The following PPARGC1A variants were observed in gnomAD, a reference collection of about 807,000 sequenced individuals.
PPARGC1A encodes the protein PPARG coactivator 1 alpha.
PPARGC1A carries 25 observed loss-of-function variants against 88.7 expected under a neutral mutation model. The observed-to-expected ratio is 0.28, with a 90% CI of 0.21 to 0.39. PPARGC1A has a LOEUF of 0.39. PPARGC1A is among the 10% of genes least tolerant of loss of function. The pLI is 1.00. For synonymous variants in PPARGC1A, 363 were observed against 355.6 expected, an observed-to-expected ratio of 1.02 and a Z score of -0.24; for missense variants, 880 against 968.7, an observed-to-expected ratio of 0.91 and a Z score of 1.22.
chr4:24,239,956 C>T, the PPARGC1A span, among the ~76,000 whole-genome samples: 1 of 152,020 alleles, frequency 6.6e-6, no homozygotes, highest in African/African-American at 2.4e-5. Context: ...TCTGATCTCT[C>T]CCACCCGCTC....
the PPARGC1A span, among the ~76,000 whole-genome samples, chr4:23,913,297 GAGAGAGAGAGAA>G: frequency 7.0e-6 from 1 of 143,150 alleles, no homozygotes; most frequent in African/African-American, 2.6e-5. Flanking sequence ...GAGAGAGAGA[GAGAGAGAGAGAA>G]AGAGAAAATC....
the PPARGC1A span, among the ~76,000 whole-genome samples, chr4:24,216,500 A>C: frequency 2.0e-5 from 3 of 152,176 alleles, no homozygotes; most frequent in South Asian, 2.1e-4. Flanking sequence ...TGACGTACTC[A>C]AAATCGGCTC....
At chr4:23,852,585 C>A (rs1385587894) in intron 2 of PPARGC1A, among the ~76,000 whole-genome samples, 1 of 152,140 alleles carries the variant, frequency 6.6e-6, no homozygotes, top group East Asian at 1.9e-4. Context: ...CCCCATTTTT[C>A]TACCTCCACA....
chr4:24,291,654 G>A, the PPARGC1A span, among the ~76,000 whole-genome samples: 1 of 152,338 alleles, frequency 6.6e-6, no homozygotes, highest in African/African-American at 2.4e-5. Context: ...TCCATCCGAA[G>A]TCCTGCTGAT....
At chr4:24,312,762 GT>G in the PPARGC1A span, among the ~76,000 whole-genome samples, 8 of 151,938 alleles carry the variant, frequency 5.3e-5, no homozygotes, top group African/African-American at 1.9e-4. Flanking sequence ...TTTCTTAGAA[GT>G]TTTTTATTTG....
At chr4:23,950,126 T>C in the PPARGC1A span, among the ~76,000 whole-genome samples, 1 of 152,114 alleles carries the variant, frequency 6.6e-6, no homozygotes, top group Non-Finnish European at 1.5e-5. Flanking sequence ...TCATTAGGTA[T>C]AGACCCAAAG....
At chr4:24,317,555 T>TAAA in the PPARGC1A span, among the ~76,000 whole-genome samples, 955 of 22,202 alleles carry the variant, frequency 0.043, 304 homozygotes, top group Non-Finnish European at 0.076. Flanking sequence ...TTCAGAGGAC[T>TAAA]AAAAAAAAAA....
the PPARGC1A span, among the ~76,000 whole-genome samples, chr4:24,303,314 G>A: frequency 1.3e-5 from 2 of 152,202 alleles, no homozygotes; most frequent in Admixed American, 1.3e-4. Context: ...ATGTGTTAGA[G>A]TCTAATAAGA....
At chr4:24,206,840 TAAAAAAAAAAAAAAAAAAAA>T in the PPARGC1A span, among the ~76,000 whole-genome samples, 10 of 43,648 alleles carry the variant, frequency 2.3e-4, no homozygotes, top group Admixed American at 8.1e-4. Context: ...GACTTCACCT[TAAAAAAAAAAAAAAAAAAAA>T]AAAAAAAAAA....
the PPARGC1A span, among the ~76,000 whole-genome samples, chr4:24,388,223 T>C: frequency 2.7e-5 from 4 of 150,692 alleles, no homozygotes; most frequent in Non-Finnish European, 1.5e-5. Flanking sequence ...CCAACAAACA[T>C]ATGAAAAAAA....
chr4:24,112,471 G>T, the PPARGC1A span, among the ~76,000 whole-genome samples: 15 of 152,158 alleles, frequency 9.9e-5, no homozygotes, highest in Non-Finnish European at 1.6e-4. Context: ...TTGCTCCTCT[G>T]CCCTAAATGG....
At chr4:23,951,879 A>C in the PPARGC1A span, among the ~76,000 whole-genome samples, 1 of 152,126 alleles carries the variant, frequency 6.6e-6, no homozygotes, top group Non-Finnish European at 1.5e-5. Flanking sequence ...GATATGTGTA[A>C]ATATTTGAAC....
At chr4:24,382,198 T>A in the PPARGC1A span, among the ~76,000 whole-genome samples, 2 of 151,572 alleles carry the variant, frequency 1.3e-5, no homozygotes, top group African/African-American at 2.4e-5. Context: ...TTGTAGACAT[T>A]AACTTAATGA....
the PPARGC1A span, among the ~76,000 whole-genome samples, chr4:24,369,554 A>G: frequency 1.3e-5 from 2 of 152,188 alleles, no homozygotes; most frequent in Non-Finnish European, 2.9e-5. Flanking sequence ...TACATGAGAA[A>G]ATTGAAGCTC....
chr4:24,368,128 T>C, the PPARGC1A span, among the ~76,000 whole-genome samples: 2 of 152,230 alleles, frequency 1.3e-5, no homozygotes, highest in African/African-American at 2.4e-5. Flanking sequence ...GAAACCTCAG[T>C]GCTTTGCTGT....
At chr4:24,262,158 C>A in the PPARGC1A span, among the ~76,000 whole-genome samples, 2 of 152,144 alleles carry the variant, frequency 1.3e-5, no homozygotes, top group Non-Finnish European at 2.9e-5. Flanking sequence ...CCCCTAGTAG[C>A]AGCAGTGGAG....
the PPARGC1A span, among the ~76,000 whole-genome samples, chr4:24,091,925 C>A: frequency 1.3e-5 from 1 of 78,434 alleles, no homozygotes; most frequent in Admixed American, 1.3e-4. Flanking sequence ...CTCCTTGCCC[C>A]AATACACACA....
the PPARGC1A span, among the ~76,000 whole-genome samples, chr4:24,051,294 T>A: frequency 6.6e-6 from 1 of 151,564 alleles, no homozygotes; most frequent in East Asian, 1.9e-4. Flanking sequence ...AAGGCATGGC[T>A]CTTGCCCCCT....
the PPARGC1A span, among the ~76,000 whole-genome samples, chr4:23,924,939 C>T: frequency 2.0e-5 from 3 of 151,940 alleles, no homozygotes; most frequent in Non-Finnish European, 4.4e-5. Flanking sequence ...ATTCATGGTG[C>T]ATAAGATCAG....
Sources: gnomAD v4.1 joint callset for allele counts (sites outside exome capture counted in the v4.1 genomes callset) on GRCh38, gnomAD v4.1.1 for gene constraint, MANE v1.5 for transcripts, NCBI Gene and HGNC (gene_info 2026-07-23, HGNC 2026-07-21) for gene names.